Variants in VSIG10 observed in about 807,000 individuals in gnomAD.
VSIG10 encodes the protein V-set and immunoglobulin domain containing 10.
In VSIG10, 48 loss-of-function variants were observed where a neutral mutation model predicts 58.7. The observed-to-expected ratio is 0.82, with a 90% CI of 0.65 to 1.04. The LOEUF is 1.04. Among genes scored for constraint, VSIG10 ranks in the 50% least tolerant of loss-of-function variants. The pLI is 0.00. For synonymous variants in VSIG10, 260 were observed against 267.1 expected, an observed-to-expected ratio of 0.97 and a Z score of 0.26; for missense variants, 628 against 670.0, an observed-to-expected ratio of 0.94 and a Z score of 0.69.
intron 1 of VSIG10, among the ~76,000 whole-genome samples, chr12:118,099,729 T>C (rs2033574741): frequency 6.6e-6 from 1 of 152,350 alleles, no homozygotes; most frequent in South Asian, 2.1e-4. Flanking sequence ...ATGTAAATTA[T>C]ATCTGAATAA....
At chr12:118,097,262 G>A (rs911735472) in intron 1 of VSIG10, among the ~76,000 whole-genome samples, 4 of 152,182 alleles carry the variant, frequency 2.6e-5, no homozygotes, top group Non-Finnish European at 5.9e-5. Context: ...TGTTGGGAAT[G>A]TGACACAAGC....
At chr12:118,089,445 C>T (rs192506035) in intron 2 of VSIG10, among the ~76,000 whole-genome samples, 51 of 152,296 alleles carry the variant, frequency 3.3e-4, no homozygotes, top group African/African-American at 1.2e-3. Flanking sequence ...GCAATGTCGC[C>T]TTACCCCACT....
At chr12:118,083,752 A>G (rs1176793662) in intron 2 of VSIG10, among the ~76,000 whole-genome samples, 1 of 152,058 alleles carries the variant, frequency 6.6e-6, no homozygotes, top group Admixed American at 6.6e-5. Context: ...CCAGGTTCAA[A>G]TGATCCACTC....
At chr12:118,093,133 CAAA>C (rs63145763) in intron 2 of VSIG10, among the ~76,000 whole-genome samples, 9 of 139,110 alleles carry the variant, frequency 6.5e-5, no homozygotes, top group Admixed American at 7.3e-5. Context: ...GCTAAAAATA[CAAA>C]AAAAAAAAAA....
chr12:118,083,579 AAAAT>A (rs930311619), intron 2 of VSIG10, among the ~76,000 whole-genome samples: 2 of 151,920 alleles, frequency 1.3e-5, no homozygotes, highest in Non-Finnish European at 2.9e-5. Context: ...ACTTCATCTC[AAAAT>A]AAATAAATAA....
chr12:118,079,401 A>T lies in VSIG10; in HGVS notation c.870T>A (p.Cys290Ter). 1 of 1,613,928 alleles carries T rather than the reference A, an allele frequency of 6.2e-7. No homozygotes were observed. ...CTGGCCCAACTATGTGGCTTGTAAC[A>T]CACTTGAACTTCTTGCCATCCGACA... is the stretch of plus-strand genomic sequence containing the variant. ...SQLSDGKKFK[C>*]VTSHIVGPES... The change falls in exon 4 of 9, where the codon TGT becomes TGA. Residue 290 changes from cysteine to a stop codon, truncating the protein, a stop_gained. Coordinates refer to ENST00000359236, the MANE Select transcript of VSIG10 (RefSeq NM_019086.6). LOFTEE classifies it high-confidence loss of function.
intron 1 of VSIG10, among the ~76,000 whole-genome samples, chr12:118,098,020 C>T (rs1345274308): frequency 6.6e-6 from 1 of 152,154 alleles, no homozygotes; most frequent in Admixed American, 6.6e-5. Flanking sequence ...AGTCATCGAT[C>T]CCCAGGCAGA....
chr12:118,103,513 G>A lies in VSIG10; in HGVS notation c.79+80C>T, dbSNP rs193084194. The A allele has an allele frequency of 8.7e-3, 11,904 of 1,369,968 alleles. 59 individuals are homozygous for A. Among genetic ancestry groups the A allele is most frequent in the Middle Eastern group, 0.018 (98 of 5,450 alleles). The allele number at this position is 1,369,968 out of a possible 1,614,324, so 84.9% of individuals were successfully genotyped here. On this transcript the variant is annotated intron_variant, in intron 1 of 8. Coordinates refer to ENST00000359236, the MANE Select transcript of VSIG10 (RefSeq NM_019086.6). Reference sequence around the variant, plus strand: ...CACCACGGATCCGGGCGGAGTCGGAGGGAATTGGGTCTCTCGCTGTCCCCT... The same window carrying A: ...CACCACGGATCCGGGCGGAGTCGGAAGGAATTGGGTCTCTCGCTGTCCCCT...
At chr12:118,086,435 G>T (rs1046773617) in intron 2 of VSIG10, among the ~76,000 whole-genome samples, 10 of 151,952 alleles carry the variant, frequency 6.6e-5, no homozygotes, top group Non-Finnish European at 1.2e-4. Flanking sequence ...GCCAGTGTGG[G>T]TGACCAAGTA....
At position 118,068,045 on chromosome 12, in the gene VSIG10, T is replaced by TTTC. The variant is rs71450254; in HGVS notation, c.1567+331_1567+332insGAA. On this transcript the variant is annotated intron_variant, in intron 8 of 8. Coordinates refer to ENST00000359236, the MANE Select transcript of VSIG10 (RefSeq NM_019086.6). ...GGGCTTTTTTTTTTTTTTTTTTTTT[T>TTTC]CTGAGGCAGGTTTCCTACTGCTGCC... Among the ~76,000 whole-genome samples, 228 of 141,258 alleles carry TTTC rather than the reference T, an allele frequency of 1.6e-3. 7 individuals are homozygous for TTTC. Among genetic ancestry groups the TTTC allele is most frequent in the East Asian group, 7.3e-3 (35 of 4,768 alleles). 92.7% of individuals were successfully genotyped at this position (141,258 alleles called of 152,430 possible).
At chr12:118,078,930 C>T (rs1156851962) in intron 4 of VSIG10, among the ~76,000 whole-genome samples, 2 of 91,992 alleles carry the variant, frequency 2.2e-5, no homozygotes, top group Non-Finnish European at 3.6e-5. Context: ...CAGAGCAAGA[C>T]TCTGCCTAAA....
chr12:118,079,051 T>C (rs1430653394), intron 4 of VSIG10, among the ~76,000 whole-genome samples: 3 of 151,482 alleles, frequency 2.0e-5, no homozygotes, highest in South Asian at 2.1e-4. Context: ...GAACCTCATA[T>C]GTCTTGTTCA....
At chr12:118,087,855 A>AAAAG (rs766337791) in intron 2 of VSIG10, among the ~76,000 whole-genome samples, 5 of 131,242 alleles carry the variant, frequency 3.8e-5, no homozygotes, top group African/African-American at 1.3e-4. Flanking sequence ...AAAAAAAAAA[A>AAAAG]AGAGAGAGAA....
At chr12:118,069,005 A>T (rs1450989972) in intron 7 of VSIG10, among the ~76,000 whole-genome samples, 1 of 152,154 alleles carries the variant, frequency 6.6e-6, no homozygotes, top group Non-Finnish European at 1.5e-5. Context: ...TAATGACTGC[A>T]TTTAGAGTCC....
intron 2 of VSIG10, among the ~76,000 whole-genome samples, chr12:118,089,489 T>C (rs1303482291): frequency 6.6e-6 from 1 of 152,274 alleles, no homozygotes; most frequent in Non-Finnish European, 1.5e-5. Context: ...ATTGATGAGA[T>C]GGACAGGAAG....
intron 8 of VSIG10, 24 bp from the exon 9 acceptor site, chr12:118,066,718 A>G: frequency 1.9e-6 from 3 of 1,572,256 alleles, no homozygotes; most frequent in Non-Finnish European, 2.6e-6. Flanking sequence ...AATAAACCCA[A>G]TGCTTTGTAA....
chr12:118,077,666 A>T (rs921171933), intron 4 of VSIG10, among the ~76,000 whole-genome samples: 10 of 152,224 alleles, frequency 6.6e-5, no homozygotes, highest in South Asian at 2.1e-4. Flanking sequence ...AGGCTAGGTC[A>T]TAGAAAGGAT....
Position 118,073,753 on chromosome 12 carries a change from G to C in VSIG10, c.1165C>G (p.Arg389Gly). 6.2e-7 allele frequency: 1 copy of C among 1,613,894 alleles called. No individual in the cohort carries two copies. Among genetic ancestry groups the C allele is most frequent in the Non-Finnish European group, 8.5e-7 (1 of 1,179,866 alleles). Residue 389 changes from arginine to glycine, a missense_variant, in exon 5 of 9, where the codon CGA (arginine) becomes GGA (glycine). Physicochemically the swap from Arg to Gly is moderately radical, Grantham distance 125. Transcript: ENST00000359236. ...CTCACCCCTACAGGGCTGTCAGCTC[G>C]GCAGATGTAGTAGCCCTCATCCAGG... The part of the protein sequence containing the change: ...QDLDEGYYIC[R>G]ADSPVGVREM...
chr12:118,095,473 C>A, intron 2 of VSIG10, 60 bp downstream of exon 2: 2 of 1,592,726 alleles, frequency 1.3e-6, no homozygotes, highest in African/African-American at 1.3e-5. Context: ...TGACCATGGT[C>A]TCCTCCTTTC....
Sources: allele counts gnomAD v4.1 joint callset (sites outside exome capture counted in the v4.1 genomes callset), GRCh38; gene constraint gnomAD v4.1.1; transcripts MANE v1.5; gene names NCBI Gene and HGNC (gene_info 2026-07-23, HGNC 2026-07-21).